The following QPCT variants were observed in gnomAD, a reference collection of about 807,000 sequenced individuals.
The protein encoded by QPCT is EC.
In QPCT, 44 loss-of-function variants were observed where a neutral mutation model predicts 43.4. The observed-to-expected ratio is 1.01, with a 90% CI of 0.80 to 1.30. The LOEUF (loss-of-function observed/expected upper bound fraction) is 1.30. Among genes scored for constraint, QPCT ranks in the 50% most tolerant of loss-of-function variants. The probability of loss-of-function intolerance (pLI) is 0.00; values close to 1 mark genes in which losing one functional copy is unlikely to be tolerated. For missense variants in QPCT, 526 were observed against 436.5 expected, an observed-to-expected ratio of 1.21 and a Z score of -1.83; for synonymous variants, 168 against 168.4, an observed-to-expected ratio of 1.00 and a Z score of 0.02.
intron 1 of QPCT, among the ~76,000 whole-genome samples, chr2:37,352,219 T>G (rs1450985801): frequency 6.6e-6 from 1 of 152,230 alleles, no homozygotes; most frequent in East Asian, 1.9e-4. Context: ...TAAAATCCTA[T>G]TAAAATTCGA....
rs972002493 is a variant in QPCT, at chr2:37,344,677, C to T, written c.-55C>T. On this transcript the variant is annotated 5_prime_UTR_variant, in exon 1 of 7. Coordinates refer to ENST00000338415, the MANE Select transcript of QPCT (RefSeq NM_012413.4). The stretch of plus-strand genomic sequence containing the variant: ...AGGGAAGGCGAAGGACGCGCGTTCC[C>T]GGGCTCGTGACCGCCAGCGGCCCGG... The T allele has an allele frequency of 7.7e-6, 12 of 1,551,158 alleles. No homozygotes were observed. The African/African-American group carries it at 8.3e-5, about 11-fold the overall frequency.
At chr2:37,353,176 T>C (rs1344705677) in intron 2 of QPCT, among the ~76,000 whole-genome samples, 1 of 152,218 alleles carries the variant, frequency 6.6e-6, no homozygotes, top group East Asian at 1.9e-4. Context: ...CATTACACAG[T>C]CCTTCACTCT....
intron 2 of QPCT, 128 bp from the exon 3 acceptor site, chr2:37,359,452 G>T: frequency 1.2e-6 from 1 of 805,426 alleles, no homozygotes; most frequent in Non-Finnish European, 1.9e-6. Context: ...CAATAATATT[G>T]CTATGAATTC....
intron 2 of QPCT, among the ~76,000 whole-genome samples, chr2:37,354,396 A>G (rs1672697267): frequency 6.6e-6 from 1 of 152,232 alleles, no homozygotes; most frequent in African/African-American, 2.4e-5. Flanking sequence ...TGGGTCAGGC[A>G]CTTTACTGAG....
At chr2:37,368,461 C>G in intron 4 of QPCT, 1 of 380,454 alleles carries the variant, frequency 2.6e-6, no homozygotes, top group Middle Eastern at 3.8e-4. Flanking sequence ...CCCTCCCTGA[C>G]GCTCACCCCA....
chr2:37,356,758 A>T lies in QPCT; in HGVS notation c.268-2822A>T, dbSNP rs538290632. On this transcript the variant is annotated intron_variant, in intron 2 of 6. Coordinates refer to ENST00000338415, the MANE Select transcript of QPCT (RefSeq NM_012413.4). The stretch of plus-strand genomic sequence containing the variant: ...TGCGGTGGCTCATGCCTGTATTCCC[A>T]GCACTTTGGGAGGCTGAGGCAGGCA... Among the ~76,000 whole-genome samples the T allele has an allele frequency of 5.3e-5, 8 of 152,334 alleles. No homozygotes were observed. The South Asian group carries it at 1.7e-3, about 32-fold the overall frequency.
intron 2 of QPCT, among the ~76,000 whole-genome samples, chr2:37,354,599 A>G (rs931475693): frequency 6.6e-6 from 1 of 152,234 alleles, no homozygotes. Flanking sequence ...GGGAGGAATC[A>G]GCTCTGCTTC....
Position 37,372,861 on chromosome 2 carries a change from A to G in QPCT, c.*34A>G. On this transcript the variant is annotated 3_prime_UTR_variant, in exon 7 of 7. Coordinates refer to ENST00000338415, the MANE Select transcript of QPCT (RefSeq NM_012413.4). ...TTTAGTTTAGGATAATTGGTTCTAG[A>G]ATTGAATTCAAAAGTCAAGGCATCA... is the stretch of plus-strand genomic sequence containing the variant. 6.5e-7 allele frequency: 1 copy of G among 1,546,148 alleles called. No homozygotes were observed. Among genetic ancestry groups the G allele is most frequent in the South Asian group, 1.2e-5 (1 of 82,730 alleles).
chr2:37,351,509 A>G (rs1035637527), intron 1 of QPCT, among the ~76,000 whole-genome samples: 22 of 152,240 alleles, frequency 1.4e-4, no homozygotes, highest in African/African-American at 5.1e-4. Flanking sequence ...AAAGTCTACT[A>G]TTTAGTTGGC....
intron 3 of QPCT, among the ~76,000 whole-genome samples, chr2:37,366,798 C>T (rs1485658279): frequency 6.6e-6 from 1 of 152,186 alleles, no homozygotes; most frequent in Admixed American, 6.5e-5. Context: ...TAGAGAGCCC[C>T]CCGTACCCGT....
At chr2:37,368,914 T>C (rs1379008910) in intron 4 of QPCT, among the ~76,000 whole-genome samples, 1 of 152,220 alleles carries the variant, frequency 6.6e-6, no homozygotes. Flanking sequence ...GAAGCCTATT[T>C]TTTCCTATGA....
At position 37,359,935 on chromosome 2, in the gene QPCT, A is replaced by T. The variant is rs990923264; in HGVS notation, c.546+77A>T. 3 of 1,399,556 alleles carry T rather than the reference A, an allele frequency of 2.1e-6. No individual in the cohort carries two copies. The Admixed American group carries it at 6.2e-5, about 29-fold the overall frequency. The allele number at this position is 1,399,556 out of a possible 1,614,324, so 86.7% of individuals were successfully genotyped here. A position where few individuals can be genotyped will look rare whatever the true frequency, so the allele number is the denominator to read the frequency against. On this transcript the variant is annotated intron_variant, in intron 3 of 6. Transcript: ENST00000338415. ...TCAGAGTGAATTCTAGAATCCTTGG[A>T]GGAATGAGAAGGCCATTTAGAAATG...
chr2:37,350,166 C>T (rs1672590064), intron 1 of QPCT, among the ~76,000 whole-genome samples: 1 of 152,172 alleles, frequency 6.6e-6, no homozygotes, highest in Non-Finnish European at 1.5e-5. Context: ...GAAAGCACCG[C>T]AGATGCCAAA....
intron 2 of QPCT, among the ~76,000 whole-genome samples, chr2:37,353,781 C>T (rs936311800): frequency 2.0e-5 from 3 of 152,208 alleles, no homozygotes; most frequent in Non-Finnish European, 4.4e-5. Context: ...CCCTTCACAT[C>T]CTCTTCTGAA....
At position 37,359,709 on chromosome 2, in the gene QPCT, C is replaced by T. The variant is rs142847125; in HGVS notation, c.397C>T (p.Arg133Ter). Residue 133 changes from arginine (R) to a stop codon, truncating the protein, a stop_gained, in exon 3 of 7, where the codon CGA (arginine) becomes TGA (stop). Transcript: ENST00000338415. LOFTEE classifies it high-confidence loss of function. ...IISTLNPTAK[R>*]HLVLACHYDS... ...CAGCACCCTCAATCCCACTGCTAAA[C>T]GACATTTGGTCCTCGCCTGCCACTA... 5.8e-4 allele frequency: 943 copies of T among 1,614,140 alleles called. No homozygotes were observed. Among genetic ancestry groups the T allele is most frequent in the Admixed American group, 8.0e-4 (48 of 60,016 alleles).
Position 37,357,907 on chromosome 2 carries a change from A to G in QPCT, c.268-1673A>G, listed in dbSNP as rs76386495. On this transcript the variant is annotated intron_variant, in intron 2 of 6. Transcript: ENST00000338415. Reference sequence around the variant, plus strand: ...GGAAAAAAAAAATAAAAGCCCTCACATTCATTTCCAGTTATTCATTTTTCA... The same window carrying G: ...GGAAAAAAAAAATAAAAGCCCTCACGTTCATTTCCAGTTATTCATTTTTCA... 5.2e-3 allele frequency among the ~76,000 whole-genome samples: 795 copies of G among 152,160 alleles called. 5 individuals are homozygous for G. The highest frequency in any genetic ancestry group is 0.027 in the Middle Eastern group (8 of 294).
At chr2:37,367,436 G>T in intron 4 of QPCT, 28 bp downstream of exon 4, 1 of 1,593,616 alleles carries the variant, frequency 6.3e-7, no homozygotes, top group Non-Finnish European at 8.5e-7. Context: ...CCCTAGCACT[G>T]TAGCTGTAGG....
In QPCT at chr2:37,366,555, T is replaced by C. The variant is rs115780259; in HGVS notation, c.547-677T>C. ...CTCAGTACAAAATTGAAGATGTAAA[T>C]AAGGTGAGAAGCAAGAAAGATTTAC... On this transcript the variant is annotated intron_variant, in intron 3 of 6. Transcript: ENST00000338415. Among the ~76,000 whole-genome samples the C allele has an allele frequency of 4.5e-3, 678 of 152,284 alleles. 2 individuals are homozygous for C. The highest frequency in any genetic ancestry group is 0.01 in the Middle Eastern group (3 of 294).
At chr2:37,354,004 A>G (rs1672681471) in intron 2 of QPCT, among the ~76,000 whole-genome samples, 1 of 152,228 alleles carries the variant, frequency 6.6e-6, no homozygotes, top group African/African-American at 2.4e-5. Context: ...AGCTGGGACT[A>G]CAGGCGCACG....
Sources: gnomAD v4.1 joint callset for allele counts (sites outside exome capture counted in the v4.1 genomes callset) on GRCh38, gnomAD v4.1.1 for gene constraint, MANE v1.5 for transcripts, NCBI Gene and HGNC (gene_info 2026-07-23, HGNC 2026-07-21) for gene names.